Variants in NTRK2 observed in about 807,000 individuals in gnomAD.
NTRK2 encodes BDNF/NT-3 growth factors receptor.
Under a neutral mutation model 94.5 loss-of-function variants are expected in NTRK2, and 13 were observed. That is an observed-to-expected ratio of 0.14 (90% CI 0.09 to 0.22). NTRK2 has a LOEUF of 0.22. NTRK2 is among the 10% of genes least tolerant of loss of function. The pLI is 1.00. For synonymous variants in NTRK2, 372 were observed against 407.4 expected (o/e 0.91, Z 1.05); for missense variants, 639 against 1,071.2 (o/e 0.60, Z 5.63).
chr9:84,980,592 C>T (rs1827469779), intron 17 of NTRK2, among the ~76,000 whole-genome samples: 1 of 152,104 alleles, frequency 6.6e-6, no homozygotes. Flanking sequence ...AAACACTGTC[C>T]CTAGGTGTGA....
chr9:84,980,504 A>G (rs1236989570), intron 17 of NTRK2, among the ~76,000 whole-genome samples: 1 of 152,218 alleles, frequency 6.6e-6, no homozygotes, highest in Non-Finnish European at 1.5e-5. Context: ...ATTACTAACT[A>G]CTAATCCCCA....
At chr9:84,944,025 C>A (rs1472105966) in intron 15 of NTRK2, among the ~76,000 whole-genome samples, 1 of 152,036 alleles carries the variant, frequency 6.6e-6, no homozygotes, top group Non-Finnish European at 1.5e-5. Flanking sequence ...GATGCATTTG[C>A]CCCATGAATA....
intron 17 of NTRK2, among the ~76,000 whole-genome samples, chr9:84,974,933 C>G (rs986928973): frequency 6.6e-6 from 1 of 152,196 alleles, no homozygotes; most frequent in Non-Finnish European, 1.5e-5. Flanking sequence ...AAGGAAAGAA[C>G]AGTGTGGGAA....
chr9:84,919,588 G>A (rs942900857), intron 14 of NTRK2, among the ~76,000 whole-genome samples: 13 of 152,154 alleles, frequency 8.5e-5, no homozygotes, highest in African/African-American at 2.7e-4. Flanking sequence ...ATTTCACCGA[G>A]TCATTTTAAT....
intron 15 of NTRK2, among the ~76,000 whole-genome samples, chr9:84,936,994 C>T (rs2078234372): frequency 6.6e-6 from 1 of 152,184 alleles, no homozygotes; most frequent in Non-Finnish European, 1.5e-5. Context: ...CTTCCACAGG[C>T]TCCAGGCTGA....
At chr9:84,803,530 A>T (rs1386772016) in intron 12 of NTRK2, among the ~76,000 whole-genome samples, 1 of 152,180 alleles carries the variant, frequency 6.6e-6, no homozygotes, top group Non-Finnish European at 1.5e-5. Flanking sequence ...GCAATAAGGC[A>T]GCAGCACATG....
chr9:84,762,827 G>T (rs144072389), intron 12 of NTRK2, among the ~76,000 whole-genome samples: 47 of 152,204 alleles, frequency 3.1e-4, no homozygotes, highest in African/African-American at 1.1e-3. Flanking sequence ...GTCACTTCAG[G>T]TCTCTCACTT....
chr9:84,926,167 TTCCTTTC>T (rs2077788601), intron 14 of NTRK2, among the ~76,000 whole-genome samples: 1 of 63,426 alleles, frequency 1.6e-5, no homozygotes, highest in Non-Finnish European at 3.6e-5. Context: ...CCTTCCTTCC[TTCCTTTC>T]TTTCTTTCTT....
intron 14 of NTRK2, among the ~76,000 whole-genome samples, chr9:84,890,791 A>G (rs113680691): frequency 0.034 from 5,219 of 152,328 alleles, 117 homozygotes; most frequent in Non-Finnish European, 0.046. Flanking sequence ...ATAACAACAA[A>G]GAAATACACC....
At chr9:84,674,684 A>G (rs1450149953) in intron 2 of NTRK2, among the ~76,000 whole-genome samples, 1 of 152,188 alleles carries the variant, frequency 6.6e-6, no homozygotes, top group African/African-American at 2.4e-5. Context: ...TACATCATTC[A>G]TTATTTAATA....
At chr9:84,896,539 T>TAGTGTCCTG (rs1315570475) in intron 14 of NTRK2, among the ~76,000 whole-genome samples, 1 of 152,256 alleles carries the variant, frequency 6.6e-6, no homozygotes, top group African/African-American at 2.4e-5. Flanking sequence ...TAAAGTGATT[T>TAGTGTCCTG]AGTGTCCTGA....
intron 14 of NTRK2, chr9:84,875,401 G>A (rs2076025212): frequency 9.4e-7 from 1 of 1,061,802 alleles, no homozygotes. Context: ...GCGCTGGAAA[G>A]ACTCAGGAAA....
intron 15 of NTRK2, among the ~76,000 whole-genome samples, chr9:84,934,581 C>G (rs553474543): frequency 2.6e-5 from 4 of 152,238 alleles, no homozygotes; most frequent in African/African-American, 9.6e-5. Flanking sequence ...TCAGTGGGGC[C>G]AAACAGAATT....
At chr9:84,691,091 A>G (rs2131545966) in intron 2 of NTRK2, among the ~76,000 whole-genome samples, 1 of 152,346 alleles carries the variant, frequency 6.6e-6, no homozygotes, top group South Asian at 2.1e-4. Context: ...TGAGTGCAAC[A>G]TTTGTCCCCA....
chr9:84,900,287 C>T (rs1404676154), intron 14 of NTRK2, among the ~76,000 whole-genome samples: 1 of 152,168 alleles, frequency 6.6e-6, no homozygotes, highest in Non-Finnish European at 1.5e-5. Flanking sequence ...TTCAAGGTCT[C>T]ACAGGTAGTA....
At chr9:84,808,494 A>G (rs549313845) in intron 12 of NTRK2, among the ~76,000 whole-genome samples, 50 of 152,318 alleles carry the variant, frequency 3.3e-4, no homozygotes, top group Non-Finnish European at 6.0e-4. Flanking sequence ...TCCTTATATT[A>G]ATACTCATAT....
At chr9:84,921,549 T>C (rs1244926803) in intron 14 of NTRK2, among the ~76,000 whole-genome samples, 1 of 152,230 alleles carries the variant, frequency 6.6e-6, no homozygotes, top group East Asian at 1.9e-4. Flanking sequence ...ATTTGACTTC[T>C]GGGGACAGGC....
At chr9:84,747,097 T>C (rs570479230) in intron 11 of NTRK2, among the ~76,000 whole-genome samples, 69 of 151,922 alleles carry the variant, frequency 4.5e-4, no homozygotes, top group African/African-American at 1.5e-3. Flanking sequence ...AATAAAGACA[T>C]GTGATATATA....
At chr9:84,922,946 A>G (rs1264436455) in intron 14 of NTRK2, among the ~76,000 whole-genome samples, 2 of 152,250 alleles carry the variant, frequency 1.3e-5, no homozygotes, top group African/African-American at 2.4e-5. Flanking sequence ...AGCATATTAA[A>G]GAGGAAATAG....
Sources: allele counts gnomAD v4.1 joint callset (sites outside exome capture counted in the v4.1 genomes callset), GRCh38; gene constraint gnomAD v4.1.1; transcripts MANE v1.5; gene names NCBI Gene and HGNC (gene_info 2026-07-23, HGNC 2026-07-21).